The following HIVEP3 variants were observed in gnomAD, a reference collection of about 807,000 sequenced individuals.
HIVEP3 encodes the protein HIVEP zinc finger 3.
HIVEP3 carries 49 observed loss-of-function variants against 152.8 expected under a neutral mutation model. The ratio of observed to expected loss-of-function variants is 0.32; its 90% CI spans 0.26 to 0.41. The LOEUF is 0.41. HIVEP3 is among the 10% of genes least tolerant of loss of function. The pLI is 1.00. For missense variants in HIVEP3, 2,790 were observed against 3,103.3 expected, an observed-to-expected ratio of 0.90 and a Z score of 2.40; for synonymous variants, 1,269 against 1,289.0, an observed-to-expected ratio of 0.98 and a Z score of 0.33.
intron 5 of HIVEP3, among the ~76,000 whole-genome samples, chr1:41,532,198 G>A (rs1203059451): frequency 4.2e-5 from 6 of 144,088 alleles, no homozygotes; most frequent in Non-Finnish European, 6.1e-5. Context: ...GAGAGATGAA[G>A]GACGGGGAGA....
chr1:41,891,466 T>C (rs1175426644), intron 1 of HIVEP3, among the ~76,000 whole-genome samples: 1 of 152,168 alleles, frequency 6.6e-6, no homozygotes, highest in African/African-American at 2.4e-5. Context: ...GCTGATGGTG[T>C]GGGTTACCAC....
At chr1:41,945,188 CT>C (rs1645068256) in intron 1 of HIVEP3, among the ~76,000 whole-genome samples, 1 of 152,156 alleles carries the variant, frequency 6.6e-6, no homozygotes, top group Non-Finnish European at 1.5e-5. Flanking sequence ...CAGCATCCCC[CT>C]GACTCCTTCC....
chr1:41,866,037 C>T (rs1643964783), intron 1 of HIVEP3, among the ~76,000 whole-genome samples: 1 of 152,190 alleles, frequency 6.6e-6, no homozygotes, highest in African/African-American at 2.4e-5. Flanking sequence ...GCAACTGGGC[C>T]CTACTGTCCA....
chr1:41,887,065 C>T (rs1292265260), intron 1 of HIVEP3, among the ~76,000 whole-genome samples: 1 of 151,942 alleles, frequency 6.6e-6, no homozygotes, highest in Non-Finnish European at 1.5e-5. Flanking sequence ...ATGTAACTAT[C>T]AATAATAAAA....
chr1:41,559,768 A>G (rs1467603132), intron 5 of HIVEP3, among the ~76,000 whole-genome samples: 5 of 152,218 alleles, frequency 3.3e-5, no homozygotes, highest in Non-Finnish European at 7.3e-5. Context: ...TTACTGGCAA[A>G]TGAGGAATTA....
intron 1 of HIVEP3, among the ~76,000 whole-genome samples, chr1:41,722,402 G>GGCCT (rs879508855): frequency 0.069 from 8,555 of 123,302 alleles, 363 homozygotes; most frequent in Admixed American, 0.082. Context: ...AAATTTGGCT[G>GGCCT]GCCTTCCTTC....
chr1:41,931,669 C>A (rs1305781070), intron 1 of HIVEP3, among the ~76,000 whole-genome samples: 1 of 151,946 alleles, frequency 6.6e-6, no homozygotes, highest in Non-Finnish European at 1.5e-5. Flanking sequence ...TTTTAGCATA[C>A]CTATCCTGAA....
chr1:41,691,531 T>C (rs533245865), intron 2 of HIVEP3, among the ~76,000 whole-genome samples: 15 of 152,296 alleles, frequency 9.8e-5, no homozygotes, highest in African/African-American at 2.9e-4. Flanking sequence ...AGTGCCCTTA[T>C]AAAAGAGGCC....
At chr1:41,562,601 T>TTC (rs72509109) in intron 5 of HIVEP3, among the ~76,000 whole-genome samples, 11,053 of 126,162 alleles carry the variant, frequency 0.088, 661 homozygotes, top group East Asian at 0.19. Context: ...CTTCCTTTCT[T>TTC]TCTCTCTCTC....
intron 1 of HIVEP3, among the ~76,000 whole-genome samples, chr1:41,953,066 A>G (rs887507560): frequency 2.6e-5 from 4 of 152,082 alleles, no homozygotes; most frequent in Admixed American, 1.3e-4. Context: ...GCTCCTGGTT[A>G]TGGGCTGTGG....
chr1:41,599,073 T>A (rs1644709056), intron 3 of HIVEP3, among the ~76,000 whole-genome samples: 1 of 152,152 alleles, frequency 6.6e-6, no homozygotes, highest in Non-Finnish European at 1.5e-5. Context: ...CACCTTGGCC[T>A]CCCAAAGTGT....
intron 1 of HIVEP3, among the ~76,000 whole-genome samples, chr1:41,982,808 G>C (rs930365884): frequency 1.7e-4 from 26 of 152,138 alleles, no homozygotes; most frequent in African/African-American, 6.3e-4. Context: ...GGGACTATTT[G>C]GTATCCTCAA....
chr1:42,035,684 C>A (rs1057361803), intron 1 of HIVEP3: 1 of 151,924 alleles, frequency 6.6e-6, no homozygotes, highest in Non-Finnish European at 1.5e-5. Flanking sequence ...GTCCCGCCCC[C>A]CGGGACCGCC....
intron 1 of HIVEP3, among the ~76,000 whole-genome samples, chr1:41,874,263 A>T (rs549127363): frequency 2.0e-5 from 3 of 152,358 alleles, no homozygotes; most frequent in African/African-American, 2.4e-5. Flanking sequence ...GGGAGAGGAA[A>T]TGCATTTACT....
chr1:41,753,661 G>T (rs2083466), intron 1 of HIVEP3, among the ~76,000 whole-genome samples: 130,510 of 149,330 alleles, frequency 0.87, 58,863 homozygotes, highest in Non-Finnish European at 1. Context: ...GGAGAGAAAC[G>T]CCGTCTCAAA....
In HIVEP3 at chr1:41,508,665, G is replaced by A. The variant is rs1286447592; in HGVS notation, c.*1786C>T. 3.3e-5 allele frequency: 5 copies of A among 152,556 alleles called. No individual in the cohort carries two copies. Among genetic ancestry groups the A allele is most frequent in the African/African-American group, 4.8e-5 (2 of 41,560 alleles). The allele number at this position is 152,556 out of a possible 1,614,324, so 9.5% of individuals were successfully genotyped here. On this transcript the variant is annotated 3_prime_UTR_variant, in exon 9 of 9. Coordinates refer to ENST00000372583, the MANE Select transcript of HIVEP3 (RefSeq NM_024503.5). ...TAGGGACCAAGCAGGGAAAGGCCAC[G>A]AATTGGAAGAGGCAAGTACAGCCCC... is the stretch of plus-strand genomic sequence containing the variant.
intron 5 of HIVEP3, among the ~76,000 whole-genome samples, chr1:41,572,602 C>A (rs1213032064): frequency 6.6e-6 from 1 of 152,204 alleles, no homozygotes; most frequent in Non-Finnish European, 1.5e-5. Flanking sequence ...GACAGTTAAC[C>A]CCCATGGGAC....
At chr1:41,544,897 TCACCAC>T (rs1173707391) in intron 5 of HIVEP3, among the ~76,000 whole-genome samples, 4 of 878 alleles carry the variant, frequency 4.6e-3, no homozygotes, top group African/African-American at 9.4e-3. Flanking sequence ...ACCACCACCA[TCACCAC>T]CACCACTACC....
At chr1:41,855,196 G>A (rs1404144950) in intron 1 of HIVEP3, among the ~76,000 whole-genome samples, 1 of 148,806 alleles carries the variant, frequency 6.7e-6, no homozygotes, top group South Asian at 2.2e-4. Flanking sequence ...GTTGTTTCCT[G>A]ACTTTTTAAT....
Sources: allele counts gnomAD v4.1 joint callset (sites outside exome capture counted in the v4.1 genomes callset), GRCh38; gene constraint gnomAD v4.1.1; transcripts MANE v1.5; gene names NCBI Gene and HGNC (gene_info 2026-07-23, HGNC 2026-07-21).